The following ACTR6 variants were observed in gnomAD, a reference collection of about 807,000 sequenced individuals.
ACTR6 encodes actin related protein 6.
In ACTR6, 50 loss-of-function variants were observed where a neutral mutation model predicts 52.5. The ratio of observed to expected loss-of-function variants is 0.95; its 90% confidence interval spans 0.76 to 1.20. The LOEUF is 1.20. Among genes scored for constraint, ACTR6 ranks in the 50% most tolerant of loss-of-function variants. ACTR6 has a pLI of 0.00. For synonymous variants in ACTR6, 135 were observed against 147.2 expected (o/e 0.92, Z 0.60); for missense variants, 344 against 472.4 (o/e 0.73, Z 2.52).
chr12:100,210,761 ACTTATG>A (rs200904966), intron 6 of ACTR6, among the ~76,000 whole-genome samples: 2,057 of 152,142 alleles, frequency 0.014, 15 homozygotes, highest in Middle Eastern at 0.034. Context: ...CATTAACATA[ACTTATG>A]CTACTATTTT....
Position 100,207,648 on chromosome 12 carries a change from T to A in ACTR6, c.256-15T>A. ...TTACAAATTATGAAACATTTTGGAA[T>A]GTTTTCTCCTATAGGTTGATTTTTT... is the stretch of plus-strand genomic sequence containing the variant. On this transcript the variant is annotated splice_polypyrimidine_tract_variant and intron_variant, in intron 3 of 10. Coordinates refer to ENST00000188312, the MANE Select transcript of ACTR6 (RefSeq NM_022496.5). 1 of 1,427,354 alleles carries A rather than the reference T, an allele frequency of 7.0e-7. No individual in the cohort carries two copies. The highest frequency in any genetic ancestry group is 9.4e-7 in the Non-Finnish European group (1 of 1,063,134). The allele number at this position is 1,427,354 out of a possible 1,614,324, so 88.4% of individuals were successfully genotyped here. A position where few individuals can be genotyped will look rare whatever the true frequency, so the allele number is the denominator to read the frequency against.
At position 100,210,058 on chromosome 12, in the gene ACTR6, T is replaced by TC; in HGVS notation, c.380-14dup. The stretch of plus-strand genomic sequence containing the variant: ...TGTTATATTTTTGTTCACTTTTTTA[T>TC]CTTTTTTTAAATAGCTGGGGCTCTC... On this transcript the variant is annotated splice_polypyrimidine_tract_variant and intron_variant, in intron 4 of 10. Coordinates refer to ENST00000188312, the MANE Select transcript of ACTR6 (RefSeq NM_022496.5). 6.4e-7 allele frequency: 1 copy of TC among 1,562,518 alleles called. No individual in the cohort carries two copies. The highest frequency in any genetic ancestry group is 8.6e-7 in the Non-Finnish European group (1 of 1,162,522).
At chr12:100,220,260 C>A in intron 10 of ACTR6, 114 bp downstream of exon 10, 1 of 982,652 alleles carries the variant, frequency 1.0e-6, no homozygotes, top group Admixed American at 2.4e-5. Flanking sequence ...ATTTCACCTG[C>A]TGAATATTCA....
At position 100,224,274 on chromosome 12, in the gene ACTR6, T is replaced by A; in HGVS notation, c.*359T>A. On this transcript the variant is annotated 3_prime_UTR_variant, in exon 11 of 11. Coordinates refer to ENST00000188312, the MANE Select transcript of ACTR6 (RefSeq NM_022496.5). ...TCCTTAGAAGGTAGTTTTGTGTGACTGTGACTAAACTATTTTATTTTAAAA... is the reference window on the plus strand; with the variant it reads ...TCCTTAGAAGGTAGTTTTGTGTGACAGTGACTAAACTATTTTATTTTAAAA... 1 of 164,038 alleles carries A rather than the reference T, an allele frequency of 6.1e-6. No individual in the cohort carries two copies. The highest frequency in any genetic ancestry group is 1.3e-5 in the Non-Finnish European group (1 of 76,624). 10.2% of individuals were successfully genotyped at this position (164,038 alleles called of 1,614,324 possible). A position where few individuals can be genotyped will look rare whatever the true frequency, so the allele number is the denominator to read the frequency against.
intron 3 of ACTR6, among the ~76,000 whole-genome samples, chr12:100,206,473 A>G (rs999931305): frequency 2.6e-5 from 4 of 152,078 alleles, no homozygotes; most frequent in African/African-American, 9.7e-5. Flanking sequence ...ATGTCTCAAT[A>G]AATAAATAAA....
chr12:100,205,599 A>G, intron 2 of ACTR6, 77 bp from the exon 3 acceptor site: 1 of 879,216 alleles, frequency 1.1e-6, no homozygotes, highest in Non-Finnish European at 1.7e-6. Context: ...TTTAAAAATT[A>G]TTCAAATATT....
In ACTR6 at chr12:100,218,130, G is replaced by T. The variant is rs1206945448; in HGVS notation, c.751-285G>T. Among the ~76,000 whole-genome samples the T allele has an allele frequency of 2.0e-5, 3 of 152,020 alleles. No homozygotes were observed. The highest frequency in any genetic ancestry group is 4.4e-5 in the Non-Finnish European group (3 of 68,002). On this transcript the variant is annotated intron_variant, in intron 8 of 10. Coordinates refer to ENST00000188312, the MANE Select transcript of ACTR6 (RefSeq NM_022496.5). This position sits in a 1 kb window ranked among gnomAD's most constrained non-coding sequence, Gnocchi z 4.2. ...GCTGGGATTACAGGTGTGAGCCAGG[G>T]CACCTGGCCCTCTTTGTATTTTAAA...
chr12:100,213,500 C>T (rs1368460013), intron 8 of ACTR6, among the ~76,000 whole-genome samples: 2 of 152,074 alleles, frequency 1.3e-5, no homozygotes, highest in Non-Finnish European at 2.9e-5. Context: ...AACTATCAGC[C>T]AAAAGATAGC....
Position 100,223,837 on chromosome 12 carries a change from T to C in ACTR6, c.1113T>C (p.Asp371=). ...GAAAATTGATATCAGAGAATGATGATTTTGAAGATATGGTGGTAACAAGAG... is the reference window on the plus strand; with the variant it reads ...GAAAATTGATATCAGAGAATGATGACTTTGAAGATATGGTGGTAACAAGAG... ...EGGKLISEND[D]FEDMVVTRED... is the part of the protein sequence containing the mutation. Residue 371 remains aspartate, a synonymous_variant, in exon 11 of 11, where the codon GAT becomes GAC. Transcript: ENST00000188312. 1 of 1,612,008 alleles carries C rather than the reference T, an allele frequency of 6.2e-7. No individual in the cohort carries two copies. Among genetic ancestry groups the C allele is most frequent in the Non-Finnish European group, 8.5e-7 (1 of 1,179,210 alleles).
At chr12:100,204,133 C>T (rs939900079) in intron 1 of ACTR6, 5 of 151,704 alleles carry the variant, frequency 3.3e-5, no homozygotes, top group Admixed American at 1.3e-4. Context: ...ACATACTGAA[C>T]TTTAAAAAAA....
intron 8 of ACTR6, among the ~76,000 whole-genome samples, chr12:100,214,948 A>G (rs557345685): frequency 4.6e-5 from 7 of 152,296 alleles, no homozygotes; most frequent in African/African-American, 1.4e-4. Flanking sequence ...TGCCCCAAAC[A>G]TTTAAATACC....
In ACTR6 at chr12:100,205,742, C is replaced by A; in HGVS notation, c.253C>A (p.Gln85Lys). ...TTACCTTTTTGGAAAAGAAATGTAT[C>A]AGGTAACAAATTAGAGTATGTATTA... ...WDYLFGKEMY[Q>K]VDFLDTNIII... is the part of the protein sequence containing the mutation. Residue 85 changes from glutamine (Q) to lysine (K), a missense_variant and splice_region_variant, in exon 3 of 11, where the codon CAG (glutamine) becomes AAG (lysine). Gln to Lys is a moderately conservative substitution (Grantham distance 53, BLOSUM62 1). Coordinates refer to ENST00000188312, the MANE Select transcript of ACTR6 (RefSeq NM_022496.5). 6.7e-7 allele frequency: 1 copy of A among 1,495,312 alleles called. No individual in the cohort carries two copies. Among genetic ancestry groups the A allele is most frequent in the Non-Finnish European group, 9.0e-7 (1 of 1,116,590 alleles). The allele number at this position is 1,495,312 out of a possible 1,614,324, so 92.6% of individuals were successfully genotyped here.
intron 6 of ACTR6, among the ~76,000 whole-genome samples, chr12:100,211,108 C>T (rs564468912): frequency 6.6e-6 from 1 of 152,316 alleles, no homozygotes; most frequent in South Asian, 2.1e-4. Context: ...CCATTTCAGC[C>T]TCCCTTAGTA....
chr12:100,222,218 G>T (rs2096128893), intron 10 of ACTR6, among the ~76,000 whole-genome samples: 1 of 149,942 alleles, frequency 6.7e-6, no homozygotes, highest in African/African-American at 2.5e-5. Context: ...CTCCCAAAGT[G>T]CTTAGATTAC....
chr12:100,210,050 C>A, intron 4 of ACTR6, 23 bp from the exon 5 acceptor site: 1 of 1,549,570 alleles, frequency 6.5e-7, no homozygotes, highest in Non-Finnish European at 8.7e-7. Flanking sequence ...TTTTTGTTCA[C>A]TTTTTTATCT....
chr12:100,213,935 TTAAAA>T (rs2096122029), intron 8 of ACTR6, among the ~76,000 whole-genome samples: 1 of 152,186 alleles, frequency 6.6e-6, no homozygotes, highest in Non-Finnish European at 1.5e-5. Context: ...GCAGTGTACT[TTAAAA>T]TAATGAAAAA....
Position 100,208,291 on chromosome 12 carries a change from T to C in ACTR6, c.379+505T>C, listed in dbSNP as rs116475255. 6.7e-3 allele frequency among the ~76,000 whole-genome samples: 1,025 copies of C among 152,268 alleles called. 7 individuals are homozygous for C. Among genetic ancestry groups the C allele is most frequent in the African/African-American group, 0.023 (966 of 41,554 alleles). On this transcript the variant is annotated intron_variant, in intron 4 of 10. Coordinates refer to ENST00000188312, the MANE Select transcript of ACTR6 (RefSeq NM_022496.5). ...CTTGGATTTTTCTTTTTCTTTTTTT[T>C]TTTTCCGAGATGGGGTTCTGGTCTT...
chr12:100,205,760 A>T lies in ACTR6; in HGVS notation c.255+16A>T, dbSNP rs1311762326. 1 of 1,371,034 alleles carries T rather than the reference A, an allele frequency of 7.3e-7. No individual in the cohort carries two copies. The allele number at this position is 1,371,034 out of a possible 1,614,324, so 84.9% of individuals were successfully genotyped here. On this transcript the variant is annotated intron_variant, in intron 3 of 10. Coordinates refer to ENST00000188312, the MANE Select transcript of ACTR6 (RefSeq NM_022496.5). ...AATGTATCAGGTAACAAATTAGAGTATGTATTAAAATTCTATTTCCATGTT... is the reference window on the plus strand; with the variant it reads ...AATGTATCAGGTAACAAATTAGAGTTTGTATTAAAATTCTATTTCCATGTT...
At chr12:100,203,056 A>C (rs1294282162) in intron 1 of ACTR6, among the ~76,000 whole-genome samples, 1 of 152,202 alleles carries the variant, frequency 6.6e-6, no homozygotes, top group Non-Finnish European at 1.5e-5. Flanking sequence ...TATCCCTTGC[A>C]TGCACAGTTC....
Sources: allele counts gnomAD v4.1 joint callset (sites outside exome capture counted in the v4.1 genomes callset), GRCh38; gene constraint gnomAD v4.1.1; non-coding constraint Gnocchi (gnomAD v3.1); transcripts MANE v1.5; gene names NCBI Gene and HGNC (gene_info 2026-07-23, HGNC 2026-07-21).